SYNE2: variants seen among roughly 807,000 people sequenced by gnomAD.
SYNE2 encodes the protein spectrin repeat containing nuclear envelope protein 2, also known as nesprin-2.
A neutral mutation model predicts 856.3 loss-of-function variants in SYNE2; 431 were observed. That is an observed-to-expected ratio of 0.50 (90% CI 0.47 to 0.55). The LOEUF (loss-of-function observed/expected upper bound fraction) is 0.55, where lower values mean the gene tolerates loss of function less well. Among genes scored for constraint, SYNE2 ranks in the 20% least tolerant of loss-of-function variants. The pLI is 0.00. For synonymous variants in SYNE2, 2,923 were observed against 2,872.3 expected (o/e 1.02, Z -0.56); for missense variants, 8,129 against 8,023.2 (o/e 1.01, Z -0.50).
chr14:63,808,262 G>A (rs1888462100), intron 1 of SYNE2, among the ~76,000 whole-genome samples: 1 of 151,790 alleles, frequency 6.6e-6, no homozygotes, highest in East Asian at 1.9e-4. Flanking sequence ...TCTGCCTCGG[G>A]TGGATCACCT....
intron 1 of SYNE2, among the ~76,000 whole-genome samples, chr14:63,853,770 T>C (rs1469399749): frequency 6.6e-6 from 1 of 150,958 alleles, no homozygotes; most frequent in Non-Finnish European, 1.5e-5. Context: ...TGCGGCAGCC[T>C]AGCGCCTCCG....
At chr14:63,846,876 T>C (rs1351581688) in intron 1 of SYNE2, among the ~76,000 whole-genome samples, 3 of 152,040 alleles carry the variant, frequency 2.0e-5, no homozygotes. Flanking sequence ...GGATTATAGG[T>C]GTGAACCATG....
chr14:63,970,314 A>G (rs2049706895), intron 11 of SYNE2, among the ~76,000 whole-genome samples: 1 of 152,016 alleles, frequency 6.6e-6, no homozygotes, highest in South Asian at 2.1e-4. Flanking sequence ...TCAGCCTCCC[A>G]AGTAGCTGAG....
intron 45 of SYNE2, among the ~76,000 whole-genome samples, chr14:64,035,454 G>T (rs1227659519): frequency 6.7e-6 from 1 of 150,352 alleles, no homozygotes; most frequent in Non-Finnish European, 1.5e-5. Context: ...GCATCTTACT[G>T]TAGAGGTATT....
chr14:64,122,214 C>G (rs2097903571), intron 69 of SYNE2, 72 bp from the exon 70 acceptor site: 1 of 1,613,710 alleles, frequency 6.2e-7, no homozygotes, highest in Admixed American at 1.7e-5. Flanking sequence ...AAAAATTGCT[C>G]ATAGAACTGT....
chr14:63,892,140 T>C, intron 1 of SYNE2, among the ~76,000 whole-genome samples: 1 of 152,254 alleles, frequency 6.6e-6, no homozygotes, highest in South Asian at 2.1e-4. Flanking sequence ...ATAACAATCC[T>C]TCATCAGTGG....
chr14:64,141,557 A>G (rs1211538069), intron 81 of SYNE2, 34 bp downstream of exon 81: 7 of 1,599,336 alleles, frequency 4.4e-6, no homozygotes, highest in Admixed American at 1.7e-5. Flanking sequence ...TTGAATTAGC[A>G]TTCACTTGTT....
chr14:64,058,995 C>T (rs535522909), intron 49 of SYNE2, among the ~76,000 whole-genome samples: 1 of 152,056 alleles, frequency 6.6e-6, no homozygotes, highest in Non-Finnish European at 1.5e-5. Flanking sequence ...TCAACCCCAG[C>T]ATTTCTACTT....
intron 1 of SYNE2, among the ~76,000 whole-genome samples, chr14:63,844,932 T>C (rs567163552): frequency 6.6e-6 from 1 of 152,216 alleles, no homozygotes; most frequent in Non-Finnish European, 1.5e-5. Context: ...AAACAATTTA[T>C]GTAGCAGCAT....
chr14:64,053,625 A>T lies in SYNE2; in HGVS notation c.9712A>T (p.Met3238Leu), dbSNP rs1304049854. The T allele has an allele frequency of 8.7e-6, 14 of 1,613,474 alleles. No individual in the cohort carries two copies. The highest frequency in any genetic ancestry group is 2.7e-5 in the African/African-American group (2 of 74,912). The stretch of plus-strand genomic sequence containing the variant: ...ACTACGTGAGTTTGAAGATCTTCAG[A>T]TGCAGCTTAACACAAGCATTGATTT... ...TKLREFEDLQMQLNTSIDLRT... is the reference protein window; with the variant it reads ...TKLREFEDLQLQLNTSIDLRT... Residue 3238 changes from methionine (M) to leucine (L), a missense_variant, in exon 48 of 116, where the codon ATG becomes TTG. Around this residue, in one of 3 missense-constraint regions of SYNE2, gnomAD observed 5,410 missense variants for 5,284.8 expected, o/e 1.02. Transcript: ENST00000555002.
chr14:64,133,993 T>G (rs2098056060), intron 77 of SYNE2, 76 bp from the exon 78 acceptor site: 2 of 1,557,542 alleles, frequency 1.3e-6, no homozygotes, highest in Non-Finnish European at 1.8e-6. Context: ...CATTTTTGTT[T>G]TGTGATTAAT....
At chr14:63,868,160 G>T (rs12887573) in intron 1 of SYNE2, among the ~76,000 whole-genome samples, 8,619 of 152,236 alleles carry the variant, frequency 0.057, 264 homozygotes, top group Middle Eastern at 0.095. Flanking sequence ...GATGCACAAG[G>T]TCTTTAAATT....
In SYNE2 at chr14:64,152,664, C is replaced by T. The variant is rs1045320614; in HGVS notation, c.15740C>T (p.Thr5247Ile). 3.7e-6 allele frequency: 6 copies of T among 1,613,990 alleles called. No homozygotes were observed. In the African/African-American group the frequency reaches 5.3e-5, roughly 14 times the overall value. ...ESGAVPLLED[T>I]ASRIDELFQK... ...GGGGCAGTGCCATTGTTAGAAGATA[C>T]AGCATCCCGAATTGATGAGTTATTT... The change falls in exon 85 of 116, where the codon ACA becomes ATA. Residue 5247 changes from threonine to isoleucine, a missense_variant. Physicochemically the swap from Thr to Ile is moderately conservative, Grantham distance 89. Transcript: ENST00000555002.
intron 1 of SYNE2, among the ~76,000 whole-genome samples, chr14:63,866,814 A>T (rs1895455415): frequency 6.6e-6 from 1 of 152,186 alleles, no homozygotes; most frequent in African/African-American, 2.4e-5. Context: ...TCTACAAAAA[A>T]TTTAAAAATT....
intron 1 of SYNE2, among the ~76,000 whole-genome samples, chr14:63,864,650 T>TA (rs1894731696): frequency 6.6e-6 from 1 of 152,236 alleles, no homozygotes; most frequent in Non-Finnish European, 1.5e-5. Context: ...TTATGTGTCT[T>TA]ACAAGGAGTG....
At chr14:63,827,625 C>CAAAAAAAAAAAAAAAAAA (rs11334415) in intron 1 of SYNE2, among the ~76,000 whole-genome samples, 38 of 28,396 alleles carry the variant, frequency 1.3e-3, no homozygotes, top group East Asian at 2.0e-3. Flanking sequence ...AACTCTGTCT[C>CAAAAAAAAAAAAAAAAAA]AAAAAAAAAA....
At chr14:64,167,671 G>A (rs769779383) in intron 92 of SYNE2, 32 bp downstream of exon 92, 8 of 1,613,638 alleles carry the variant, frequency 5.0e-6, no homozygotes, top group African/African-American at 4.0e-5. Context: ...CCCTTGAACC[G>A]CTCATCTGGG....
At chr14:63,961,727 C>T (rs1296182658) in intron 9 of SYNE2, 102 bp downstream of exon 9, 11 of 828,818 alleles carry the variant, frequency 1.3e-5, no homozygotes, top group Non-Finnish European at 2.2e-5. Flanking sequence ...CTTAAATGTA[C>T]AGTTTAATGA....
chr14:64,150,001 T>TC (rs1171874402), intron 84 of SYNE2, among the ~76,000 whole-genome samples: 6 of 140,558 alleles, frequency 4.3e-5, no homozygotes, highest in Non-Finnish European at 9.1e-5. Context: ...CTTTTTTTTT[T>TC]CTTTTCTTTT....
Sources: allele counts gnomAD v4.1 joint callset (sites outside exome capture counted in the v4.1 genomes callset), GRCh38; gene constraint gnomAD v4.1.1; regional missense constraint gnomAD v4.1.1; transcripts MANE v1.5; gene names NCBI Gene and HGNC (gene_info 2026-07-23, HGNC 2026-07-21).